TUBB3: variants seen among roughly 807,000 people sequenced by gnomAD.
TUBB3 encodes the protein tubulin beta-3 chain.
A neutral mutation model predicts 37.8 loss-of-function variants in TUBB3; 17 were observed. That is an observed-to-expected ratio of 0.45 (90% CI 0.31 to 0.67). The LOEUF is 0.67. Ranked by LOEUF, TUBB3 falls within the 30% of genes least tolerant of loss-of-function variation. The pLI is 0.07. For missense variants in TUBB3, 262 were observed against 657.9 expected, an observed-to-expected ratio of 0.40 and a Z score of 6.58; for synonymous variants, 332 against 278.9, an observed-to-expected ratio of 1.19 and a Z score of -1.90.
chr16:89,925,717 A>T (rs2030052277), intron 1 of TUBB3, among the ~76,000 whole-genome samples: 1 of 151,922 alleles, frequency 6.6e-6, no homozygotes, highest in African/African-American at 2.4e-5. Flanking sequence ...ATCAATGGGA[A>T]GTTCCTTGGC....
chr16:89,929,674 C>T (rs1011802990), intron 1 of TUBB3, among the ~76,000 whole-genome samples: 5 of 152,188 alleles, frequency 3.3e-5, no homozygotes, highest in Admixed American at 6.5e-5. Context: ...GAGGCACCCA[C>T]GCATAGAGAA....
In TUBB3 at chr16:89,934,832, C is replaced by A. The variant is rs145375049; in HGVS notation, c.381C>A (p.Cys127Ter). Residue 127 changes from cysteine (C) to a stop codon, truncating the protein, a stop_gained, in exon 4 of 4, where the codon TGC (cysteine) becomes TGA (stop). Transcript: ENST00000315491. LOFTEE classifies it high-confidence loss of function. ...LDVVRKECENCDCLQGFQLTH... is the reference protein window; with the variant it reads ...LDVVRKECEN Reference sequence around the variant, plus strand: ...TGGTGCGGAAGGAGTGTGAAAACTGCGACTGCCTGCAGGGCTTCCAGCTGA... The same window carrying A: ...TGGTGCGGAAGGAGTGTGAAAACTGAGACTGCCTGCAGGGCTTCCAGCTGA... The A allele has an allele frequency of 1.2e-6, 2 of 1,614,134 alleles. No individual in the cohort carries two copies. The highest frequency in any genetic ancestry group is 1.7e-6 in the Non-Finnish European group (2 of 1,180,024).
intron 3 of TUBB3, chr16:89,934,394 G>A (rs776337825): frequency 2.5e-5 from 13 of 525,836 alleles, no homozygotes; most frequent in Non-Finnish European, 4.4e-5. Context: ...TGGGGTGGCT[G>A]TTTGGGCTCC....
At chr16:89,931,751 G>A (rs566152739) in intron 1 of TUBB3, 22 of 277,536 alleles carry the variant, frequency 7.9e-5, no homozygotes, top group Admixed American at 3.5e-4. Context: ...TGAGGGAAGC[G>A]TCTGTGAACC....
Position 89,923,471 on chromosome 16 carries a change from G to C in TUBB3, c.57+13G>C. ...GATCGGGGCCAAGGTGAGGCTGCGC[G>C]CCCCGGCCTGTCCCGGGCCCCGGGG... On this transcript the variant is annotated intron_variant, in intron 1 of 3. Coordinates refer to ENST00000315491, the MANE Select transcript of TUBB3 (RefSeq NM_006086.4). 2.0e-6 allele frequency: 3 copies of C among 1,469,758 alleles called. No individual in the cohort carries two copies. Among genetic ancestry groups the C allele is most frequent in the Non-Finnish European group, 2.7e-6 (3 of 1,108,094 alleles). The allele number at this position is 1,469,758 out of a possible 1,614,324, so 91.0% of individuals were successfully genotyped here. A position where few individuals can be genotyped will look rare whatever the true frequency, so the allele number is the denominator to read the frequency against.
At chr16:89,922,956 G>C (rs922434151), upstream of TUBB3, among the ~76,000 whole-genome samples, 2 of 152,240 alleles carry the variant, frequency 1.3e-5, no homozygotes, top group Admixed American at 6.5e-5. Flanking sequence ...AAACCGGCGT[G>C]GGGAAAAAAG....
chr16:89,927,225 CA>C (rs1245466217), intron 1 of TUBB3, among the ~76,000 whole-genome samples: 1 of 150,966 alleles, frequency 6.6e-6, no homozygotes, highest in African/African-American at 2.4e-5. Context: ...AAATAAAAAA[CA>C]AAAAAAATTA....
In TUBB3 at chr16:89,935,737, C is replaced by T. The variant is rs200882568; in HGVS notation, c.1286C>T (p.Thr429Met). The T allele has an allele frequency of 5.0e-6, 8 of 1,613,952 alleles. No individual in the cohort carries two copies. The highest frequency in any genetic ancestry group is 4.5e-5 in the East Asian group (2 of 44,878). The change falls in exon 4 of 4, where the codon ACG (threonine) becomes ATG (methionine). Residue 429 changes from threonine to methionine, a missense_variant. Around this residue, in one of 3 missense-constraint regions of TUBB3, gnomAD observed 165 missense variants for 556.8 expected, o/e 0.30. Coordinates refer to ENST00000315491, the MANE Select transcript of TUBB3 (RefSeq NM_006086.4). ...VSEYQQYQDA[T>M]AEEEGEMYED... is the part of the protein sequence containing the mutation. Reference sequence around the variant, plus strand: ...GAGTACCAGCAGTACCAGGACGCCACGGCCGAGGAAGAGGGCGAGATGTAC... The same window carrying T: ...GAGTACCAGCAGTACCAGGACGCCATGGCCGAGGAAGAGGGCGAGATGTAC...
At chr16:89,931,492 C>T (rs983788276) in intron 1 of TUBB3, among the ~76,000 whole-genome samples, 39 of 152,336 alleles carry the variant, frequency 2.6e-4, no homozygotes, top group African/African-American at 9.1e-4. Context: ...GCAGCGGCCT[C>T]GGCCATCAGA....
At chr16:89,930,931 G>C (rs2030258372) in intron 1 of TUBB3, among the ~76,000 whole-genome samples, 1 of 151,752 alleles carries the variant, frequency 6.6e-6, no homozygotes, top group African/African-American at 2.4e-5. Context: ...GGGTTCAAGT[G>C]ATTCTCCTGC....
upstream of TUBB3, chr16:89,922,388 G>C (rs1487220670): frequency 6.6e-6 from 1 of 152,446 alleles, no homozygotes; most frequent in African/African-American, 2.4e-5. Context: ...TAAGGTGGTG[G>C]CACTGTAATA....
At chr16:89,932,460 G>A (rs750096610) in intron 1 of TUBB3, 111 bp from the exon 2 acceptor site, 47 of 836,466 alleles carry the variant, frequency 5.6e-5, no homozygotes, top group Middle Eastern at 4.8e-4. Context: ...CGTGGAGGCC[G>A]TGGGTCAAAA....
At chr16:89,924,097 G>A (rs971899059) in intron 1 of TUBB3, among the ~76,000 whole-genome samples, 1 of 152,364 alleles carries the variant, frequency 6.6e-6, no homozygotes. Flanking sequence ...GGGCTTGACC[G>A]CGCCCACCCA....
chr16:89,925,595 C>T (rs920116378), intron 1 of TUBB3, among the ~76,000 whole-genome samples: 1 of 151,992 alleles, frequency 6.6e-6, no homozygotes, highest in African/African-American at 2.4e-5. Context: ...GATCCTGTCT[C>T]ACAGTAATAA....
intron 2 of TUBB3, 85 bp from the exon 3 acceptor site, chr16:89,933,383 G>A: frequency 9.0e-7 from 1 of 1,110,148 alleles, no homozygotes; most frequent in Non-Finnish European, 1.4e-6. Context: ...CAGGAGGATG[G>A]CAGGCGGGCA....
intron 3 of TUBB3, 21 bp downstream of exon 3, chr16:89,933,599 G>A (rs758043976): frequency 1.9e-6 from 3 of 1,592,022 alleles, no homozygotes; most frequent in Non-Finnish European, 2.6e-6. Flanking sequence ...CCTGCTCCAA[G>A]CTCTGATGGC....
intron 1 of TUBB3, among the ~76,000 whole-genome samples, chr16:89,926,380 C>T (rs969950483): frequency 6.6e-6 from 1 of 152,258 alleles, no homozygotes; most frequent in East Asian, 1.9e-4. Flanking sequence ...GCATTCGGGT[C>T]CTGGAGGGGC....
chr16:89,928,808 G>A (rs536817106), intron 1 of TUBB3, among the ~76,000 whole-genome samples: 8 of 151,868 alleles, frequency 5.3e-5, no homozygotes, highest in Non-Finnish European at 7.4e-5. Flanking sequence ...ACAGACAGGC[G>A]TGAGCCACTG....
intron 1 of TUBB3, among the ~76,000 whole-genome samples, chr16:89,931,078 C>T (rs1054975496): frequency 2.1e-4 from 32 of 152,254 alleles, no homozygotes; most frequent in Admixed American, 1.2e-3. Flanking sequence ...CCACCCGCCT[C>T]GGCCTCCCAA....
Sources: gnomAD v4.1 joint callset for allele counts (sites outside exome capture counted in the v4.1 genomes callset) on GRCh38, gnomAD v4.1.1 for gene constraint, gnomAD v4.1.1 regional missense constraint, MANE v1.5 for transcripts, NCBI Gene and HGNC (gene_info 2026-07-23, HGNC 2026-07-21) for gene names.